SSPN: variants seen among roughly 807,000 people sequenced by gnomAD.
SSPN encodes sarcospan.
Under a neutral mutation model 19.1 loss-of-function variants are expected in SSPN, and 15 were observed. The observed-to-expected ratio is 0.78, with a 90% CI of 0.52 to 1.21. SSPN has a LOEUF of 1.21. Among genes scored for constraint, SSPN ranks in the 50% most tolerant of loss-of-function variants. The pLI is 0.00. For synonymous variants in SSPN, 147 were observed against 140.3 expected, an observed-to-expected ratio of 1.05 and a Z score of -0.34; for missense variants, 291 against 314.0, an observed-to-expected ratio of 0.93 and a Z score of 0.55.
intron 2 of SSPN, among the ~76,000 whole-genome samples, chr12:26,225,745 TAA>T (rs35244146): frequency 0.43 from 52,910 of 121,638 alleles, 11,419 homozygotes; most frequent in African/African-American, 0.47. Context: ...GCTTGGTGAT[TAA>T]AAAAAAAAAA....
At chr12:26,211,322 G>A (rs1944983843) in intron 1 of SSPN, 1 of 152,106 alleles carries the variant, frequency 6.6e-6, no homozygotes, top group Admixed American at 6.5e-5. Flanking sequence ...AAACCAAAGT[G>A]ATTCTATTTG....
At chr12:26,183,411 G>A (rs1329249424) in intron 1 of SSPN, among the ~76,000 whole-genome samples, 1 of 152,150 alleles carries the variant, frequency 6.6e-6, no homozygotes, top group Admixed American at 6.5e-5. Flanking sequence ...ACTGCGCCCG[G>A]TCCCAAACTT....
chr12:26,189,083 C>CA (rs1944772100), intron 1 of SSPN, among the ~76,000 whole-genome samples: 1 of 151,850 alleles, frequency 6.6e-6, no homozygotes, highest in African/African-American at 2.4e-5. Flanking sequence ...TGAAGAAATT[C>CA]TAACTTCACA....
intron 1 of SSPN, among the ~76,000 whole-genome samples, chr12:26,162,848 A>G (rs955205234): frequency 2.0e-5 from 3 of 152,212 alleles, no homozygotes; most frequent in African/African-American, 7.2e-5. Flanking sequence ...CAACTTCGAA[A>G]CAATCTGAAA....
chr12:26,196,252 G>A (rs1944829456), intron 1 of SSPN, among the ~76,000 whole-genome samples: 1 of 152,214 alleles, frequency 6.6e-6, no homozygotes, highest in Non-Finnish European at 1.5e-5. Context: ...AGACTGAACA[G>A]CCTCAATAAC....
At chr12:26,192,012 C>A (rs1241063910), upstream of SSPN, among the ~76,000 whole-genome samples, 5 of 152,088 alleles carry the variant, frequency 3.3e-5, no homozygotes, top group Non-Finnish European at 7.4e-5. Flanking sequence ...AAGATTATTT[C>A]TAGTTGGGTT....
chr12:26,138,476 G>A (rs1326172926), intron 1 of SSPN, among the ~76,000 whole-genome samples: 2 of 152,182 alleles, frequency 1.3e-5, no homozygotes, highest in East Asian at 1.9e-4. Flanking sequence ...AGAACTTTTT[G>A]CAGTGAAAGA....
rs1944825708 is a variant in SSPN at position 26,195,971 on chromosome 12, T to C, written c.279+20T>C. ...ATCATTGTAAGCATCAAGTCTGTTT[T>C]GCCTAAGCGCGTTTGCCAAACAGGA... On this transcript the variant is annotated intron_variant, in intron 1 of 2. Coordinates refer to ENST00000242729, the MANE Select transcript of SSPN (RefSeq NM_005086.5). The C allele has an allele frequency of 6.9e-7, 1 of 1,457,982 alleles. No individual in the cohort carries two copies. The highest frequency in any genetic ancestry group is 1.5e-5 in the African/African-American group (1 of 67,696). The allele number at this position is 1,457,982 out of a possible 1,614,324, so 90.3% of individuals were successfully genotyped here.
At chr12:26,217,770 GA>G (rs1358523697) in intron 1 of SSPN, among the ~76,000 whole-genome samples, 1 of 151,058 alleles carries the variant, frequency 6.6e-6, no homozygotes, top group Non-Finnish European at 1.5e-5. Flanking sequence ...AATTTATTGA[GA>G]GTTTTTAGCA....
rs138782041 is a variant in SSPN at position 26,171,029 on chromosome 12, A to T, written c.-31+48877A>T. Among the ~76,000 whole-genome samples, 20 of 152,344 alleles carry T rather than the reference A, an allele frequency of 1.3e-4. No individual in the cohort carries two copies. In the East Asian group the frequency reaches 2.9e-3, roughly 22 times the overall value. ...AGATTAAGTAAATTGGTCAAAAATC[A>T]TATAGTTAGTAAGTGATAGTGATGA... On this transcript the variant is annotated intron_variant, in intron 1 of 2. Coordinates refer to the SSPN transcript ENST00000538142.
intron 1 of SSPN, among the ~76,000 whole-genome samples, chr12:26,204,031 T>G (rs1476843588): frequency 6.6e-6 from 1 of 152,212 alleles, no homozygotes; most frequent in Non-Finnish European, 1.5e-5. Context: ...TAGTTACTTT[T>G]GAGGTTACAG....
Position 26,183,097 on chromosome 12 carries a change from G to A in SSPN, c.-30-41196G>A, listed in dbSNP as rs543766440. Among the ~76,000 whole-genome samples, 44 of 152,120 alleles carry A rather than the reference G, an allele frequency of 2.9e-4. No individual in the cohort carries two copies. In the South Asian group the frequency reaches 8.7e-3, roughly 30 times the overall value. Reference sequence around the variant, plus strand: ...TACATACTTTAAAAAGTACATACAGGTGCTATATGCCAACCCTCTTCCTGA... The same window carrying A: ...TACATACTTTAAAAAGTACATACAGATGCTATATGCCAACCCTCTTCCTGA... On this transcript the variant is annotated intron_variant, in intron 1 of 2. Coordinates refer to the SSPN transcript ENST00000538142.
At chr12:26,142,930 G>T (rs185035129) in intron 1 of SSPN, among the ~76,000 whole-genome samples, 1 of 152,256 alleles carries the variant, frequency 6.6e-6, no homozygotes, top group Non-Finnish European at 1.5e-5. Context: ...CTCTCAAATG[G>T]ATTCAGTTGC....
At chr12:26,194,854 G>A (rs1031241635), upstream of SSPN, among the ~76,000 whole-genome samples, 1 of 152,248 alleles carries the variant, frequency 6.6e-6, no homozygotes, top group Middle Eastern at 3.4e-3. Flanking sequence ...AGCCAGATGT[G>A]GTGGTGATTG....
chr12:26,192,572 G>A (rs1944795756), upstream of SSPN, among the ~76,000 whole-genome samples: 1 of 152,102 alleles, frequency 6.6e-6, no homozygotes, highest in African/African-American at 2.4e-5. Context: ...TATCAATTAA[G>A]TGAAAATGAC....
At chr12:26,160,977 A>C (rs1234915732) in intron 1 of SSPN, among the ~76,000 whole-genome samples, 1 of 151,962 alleles carries the variant, frequency 6.6e-6, no homozygotes, top group African/African-American at 2.4e-5. Flanking sequence ...GCATGGTGGC[A>C]TTCATCTGTA....
chr12:26,149,761 C>A (rs552526086), intron 1 of SSPN, among the ~76,000 whole-genome samples: 2 of 152,268 alleles, frequency 1.3e-5, no homozygotes, highest in South Asian at 4.1e-4. Flanking sequence ...ATGGGAAAAC[C>A]CATTACTCAA....
chr12:26,132,669 GT>G (rs1237713207), intron 1 of SSPN, among the ~76,000 whole-genome samples: 1 of 152,172 alleles, frequency 6.6e-6, no homozygotes, highest in Non-Finnish European at 1.5e-5. Context: ...GGGGATGCCT[GT>G]TCAACACCCA....
intron 1 of SSPN, among the ~76,000 whole-genome samples, chr12:26,222,708 G>A (rs1324806989): frequency 6.6e-6 from 1 of 152,182 alleles, no homozygotes; most frequent in Non-Finnish European, 1.5e-5. Context: ...ACTTTGATTA[G>A]AAACTCTAAA....
Sources: gnomAD v4.1 joint callset for allele counts (sites outside exome capture counted in the v4.1 genomes callset) on GRCh38, gnomAD v4.1.1 for gene constraint, MANE v1.5 for transcripts, NCBI Gene and HGNC (gene_info 2026-07-23, HGNC 2026-07-21) for gene names.